Variants in DIPK2B observed in about 807,000 individuals in gnomAD.
DIPK2B encodes divergent protein kinase domain 2B.
Under a neutral mutation model 22.2 loss-of-function variants are expected in DIPK2B, and 15 were observed. That is an observed-to-expected ratio of 0.68 (90% CI 0.45 to 1.04). DIPK2B has a LOEUF of 1.04. Among genes scored for constraint, DIPK2B ranks in the 50% least tolerant of loss-of-function variants. The pLI is 0.00. For synonymous variants in DIPK2B, 163 were observed against 153.2 expected, an observed-to-expected ratio of 1.06 and a Z score of -0.47; for missense variants, 345 against 348.3, an observed-to-expected ratio of 0.99 and a Z score of 0.08.
At chrX:45,162,906 G>C (rs1023150311) in intron 2 of DIPK2B, 1 of 752,047 alleles carries the variant, frequency 1.3e-6, no homozygotes, top group Non-Finnish European at 1.6e-6. Flanking sequence ...GTGATGCTGA[G>C]AGTGGCTGTC....
At chrX:45,177,933 A>C (rs1053832630) in intron 2 of DIPK2B, among the ~76,000 whole-genome samples, 2 of 111,963 alleles carry the variant, frequency 1.8e-5, no homozygotes, top group Non-Finnish European at 3.8e-5. Flanking sequence ...TATTTCCCAA[A>C]CATTTATGAA....
At chrX:45,168,155 A>G in intron 2 of DIPK2B, among the ~76,000 whole-genome samples, 1 of 112,624 alleles carries the variant, frequency 8.9e-6, no homozygotes, top group Non-Finnish European at 1.9e-5. Flanking sequence ...TGTTGCTTTG[A>G]AATCCCTAAG....
intron 2 of DIPK2B, among the ~76,000 whole-genome samples, chrX:45,158,342 C>G (rs1190137876): frequency 9.0e-6 from 1 of 110,536 alleles, no homozygotes; most frequent in Non-Finnish European, 1.9e-5. Context: ...AGCTGGCCAT[C>G]TGAGTTTTGC....
chrX:45,175,654 C>T (rs184657487), intron 2 of DIPK2B, among the ~76,000 whole-genome samples: 3,861 of 99,908 alleles, frequency 0.039, 88 homozygotes, highest in Non-Finnish European at 0.059. Flanking sequence ...CACATATATA[C>T]TTAAAGTGAT....
In DIPK2B at chrX:45,161,509, T is replaced by C. The variant is rs149585232; in HGVS notation, c.499-3621A>G. Among the ~76,000 whole-genome samples the C allele has an allele frequency of 4.3e-3, 481 of 112,659 alleles. 1 individual carries two copies. The highest frequency in any genetic ancestry group is 0.014 in the African/African-American group (440 of 31,031). On this transcript the variant is annotated intron_variant, in intron 2 of 4. Transcript: ENST00000398000. ...GTGAGCCATGATCGTGATACTGTACTGCGGCCTGGGCAACAGAGTGAGAAC... is the reference window on the plus strand; with the variant it reads ...GTGAGCCATGATCGTGATACTGTACCGCGGCCTGGGCAACAGAGTGAGAAC...
intron 1 of DIPK2B, among the ~76,000 whole-genome samples, chrX:45,197,072 T>G (rs1335340646): frequency 2.7e-5 from 3 of 112,025 alleles, no homozygotes; most frequent in African/African-American, 9.7e-5. Flanking sequence ...TACGATTTGT[T>G]GCTGAACAGA....
At chrX:45,173,320 G>A (rs2047094550) in intron 2 of DIPK2B, among the ~76,000 whole-genome samples, 1 of 110,339 alleles carries the variant, frequency 9.1e-6, no homozygotes, top group Non-Finnish European at 1.9e-5. Flanking sequence ...ACTGTCCTGA[G>A]AAAAGGCTGG....
At chrX:45,192,167 G>A in intron 1 of DIPK2B, 152 bp from the exon 2 acceptor site, 1 of 570,089 alleles carries the variant, frequency 1.8e-6, no homozygotes, top group Non-Finnish European at 2.7e-6. Context: ...GACTATTTTT[G>A]CTTCTTCAAA....
intron 2 of DIPK2B, chrX:45,163,505 A>G: frequency 4.0e-6 from 3 of 754,374 alleles, no homozygotes; most frequent in Non-Finnish European, 4.7e-6. Flanking sequence ...AGCTTCCCCA[A>G]GGAGTCATTT....
chrX:45,156,883 T>C (rs2046998572), intron 3 of DIPK2B, among the ~76,000 whole-genome samples: 1 of 110,022 alleles, frequency 9.1e-6, no homozygotes, highest in African/African-American at 3.3e-5. Flanking sequence ...CTGCACCTTT[T>C]CCCCCTCCTA....
In DIPK2B at chrX:45,195,896, T is replaced by C. The variant is rs905188821; in HGVS notation, c.234-3881A>G. ...CTCTTTCTTGTCTGGAAAATCCCAA[T>C]GTAGCCCTTTAAAATCCAGATGGAT... is the stretch of plus-strand genomic sequence containing the variant. On this transcript the variant is annotated intron_variant, in intron 1 of 4. Coordinates refer to ENST00000398000, the MANE Select transcript of DIPK2B (RefSeq NM_176819.4). Among the ~76,000 whole-genome samples the C allele has an allele frequency of 4.5e-5, 5 of 112,290 alleles. No homozygotes were observed. The Admixed American group carries it at 4.7e-4, about 11-fold the overall frequency.
chrX:45,160,903 T>C (rs2047019348), intron 2 of DIPK2B, among the ~76,000 whole-genome samples: 1 of 112,193 alleles, frequency 8.9e-6, no homozygotes, highest in Admixed American at 9.4e-5. Flanking sequence ...ATACTGCTAG[T>C]TATTAGCCCC....
In DIPK2B at chrX:45,173,026, C is replaced by G. The variant is rs1454777789; in HGVS notation, c.499-15138G>C. ...CCTGAGAGCAGGCGCTGCCAGGCTT[C>G]TAGTTCCCCCTAGCCCTTCTGTTGA... is the stretch of plus-strand genomic sequence containing the variant. On this transcript the variant is annotated intron_variant, in intron 2 of 4. Coordinates refer to ENST00000398000, the MANE Select transcript of DIPK2B (RefSeq NM_176819.4). Among the ~76,000 whole-genome samples the G allele has an allele frequency of 2.7e-5, 3 of 111,641 alleles. No homozygotes were observed. The East Asian group carries it at 8.5e-4, about 32-fold the overall frequency.
chrX:45,162,667 C>T, intron 2 of DIPK2B: 2 of 754,528 alleles, frequency 2.7e-6, no homozygotes, highest in Non-Finnish European at 3.1e-6. Flanking sequence ...ATCACTTCTC[C>T]CATCTGCATA....
intron 4 of DIPK2B, among the ~76,000 whole-genome samples, chrX:45,153,481 T>A (rs2046971862): frequency 2.1e-5 from 2 of 94,912 alleles, no homozygotes; most frequent in African/African-American, 9.1e-5. Flanking sequence ...GTTTTGTGTG[T>A]GTGTGTGTGT....
chrX:45,164,771 GA>G (rs200752983), intron 2 of DIPK2B, among the ~76,000 whole-genome samples: 4 of 110,261 alleles, frequency 3.6e-5, no homozygotes, highest in African/African-American at 6.6e-5. Context: ...AATAATAACA[GA>G]AAAAAAAATT....
In DIPK2B at chrX:45,200,838, G is replaced by A; in HGVS notation, c.-12C>T. 8.7e-7 allele frequency: 1 copy of A among 1,150,517 alleles called. No individual in the cohort carries two copies. The highest frequency in any genetic ancestry group is 1.2e-6 in the Non-Finnish European group (1 of 858,465). 94.8% of individuals were successfully genotyped at this position (1,150,517 alleles called of 1,213,427 possible). On this transcript the variant is annotated 5_prime_UTR_variant, in exon 1 of 5. Coordinates refer to ENST00000398000, the MANE Select transcript of DIPK2B (RefSeq NM_176819.4). ...AGCTGGGGCTCCATCTTGGGCTCTG[G>A]GCTCCAGCTGCAGCCTCTGGCTGTC... is the stretch of plus-strand genomic sequence containing the variant.
intron 2 of DIPK2B, among the ~76,000 whole-genome samples, chrX:45,176,863 G>A (rs757972615): frequency 9.0e-6 from 1 of 111,696 alleles, no homozygotes; most frequent in Non-Finnish European, 1.9e-5. Context: ...ACTATGGAGA[G>A]ATCAATCTCT....
In DIPK2B at chrX:45,191,787, C is replaced by T. The variant is rs761467087; in HGVS notation, c.462G>A (p.Trp154Ter). 14 of 1,210,313 alleles carry T rather than the reference C, an allele frequency of 1.2e-5. No homozygotes were observed. The South Asian group carries it at 2.3e-4, about 20-fold the overall frequency. Residue 154 changes from tryptophan to a stop codon, truncating the protein, a stop_gained, in exon 2 of 5, where the codon TGG becomes TGA. Coordinates refer to ENST00000398000, the MANE Select transcript of DIPK2B (RefSeq NM_176819.4). LOFTEE classifies it high-confidence loss of function. ...VLRKTERFQK[W>*]LQAKRLTPDL... ...CCGGCGTGAGGCGCTTGGCCTGCAG[C>T]CATTTCTGGAACCTCTCTGTTTTCC...
Sources: gnomAD v4.1 joint callset for allele counts (sites outside exome capture counted in the v4.1 genomes callset) on GRCh38, gnomAD v4.1.1 for gene constraint, MANE v1.5 for transcripts, NCBI Gene and HGNC (gene_info 2026-07-23, HGNC 2026-07-21) for gene names.